The following BCL10 variants were observed in gnomAD, a reference collection of about 807,000 sequenced individuals.
BCL10 encodes the protein BCL10 immune signaling adaptor, also known as B-cell lymphoma/leukemia 10.
In BCL10, 5 loss-of-function variants were observed where a neutral mutation model predicts 19.2. The observed-to-expected ratio is 0.26, with a 90% CI of 0.14 to 0.55. The LOEUF is 0.55. Among genes scored for constraint, BCL10 ranks in the 20% least tolerant of loss-of-function variants. BCL10 has a pLI of 0.94. For missense variants in BCL10, 201 were observed against 271.9 expected (o/e 0.74, Z 1.83); for synonymous variants, 110 against 98.8 (o/e 1.11, Z -0.67).
chr1:85,269,708 G>C (rs1412737751), intron 2 of BCL10, among the ~76,000 whole-genome samples: 1 of 152,190 alleles, frequency 6.6e-6, no homozygotes, highest in African/African-American at 2.4e-5. Flanking sequence ...ATGTGCTCTG[G>C]AGAGAGACAG....
intron 2 of BCL10, among the ~76,000 whole-genome samples, chr1:85,269,310 T>C (rs943805423): frequency 5.9e-5 from 9 of 152,248 alleles, no homozygotes; most frequent in Admixed American, 2.6e-4. Flanking sequence ...AAGAATTTTA[T>C]GATATCCAAA....
chr1:85,276,273 C>T (rs1336468093), intron 1 of BCL10, 23 bp downstream of exon 1: 1 of 1,612,206 alleles, frequency 6.2e-7, no homozygotes, highest in Non-Finnish European at 8.5e-7. Flanking sequence ...CCCGCCCGCC[C>T]TGGGCACAGC....
chr1:85,272,403 ATT>A (rs952747276), intron 1 of BCL10, among the ~76,000 whole-genome samples: 12 of 133,444 alleles, frequency 9.0e-5, no homozygotes, highest in Admixed American at 7.6e-5. Context: ...CTAATTTTTA[ATT>A]TTTTTTTTTT....
chr1:85,270,415 G>C (rs190089812), intron 2 of BCL10, among the ~76,000 whole-genome samples: 2 of 152,304 alleles, frequency 1.3e-5, no homozygotes, highest in East Asian at 3.9e-4. Context: ...TGGAAACACA[G>C]GTATGCACCA....
intron 1 of BCL10, among the ~76,000 whole-genome samples, chr1:85,273,202 T>C (rs1333654498): frequency 6.6e-6 from 1 of 152,204 alleles, no homozygotes; most frequent in Non-Finnish European, 1.5e-5. Flanking sequence ...ATTTCCCAAT[T>C]CATTCCCAGA....
At chr1:85,273,647 A>G (rs1243183291) in intron 1 of BCL10, among the ~76,000 whole-genome samples, 1 of 152,148 alleles carries the variant, frequency 6.6e-6, no homozygotes, top group African/African-American at 2.4e-5. Flanking sequence ...CTCAACTCCC[A>G]TGTTCAATCC....
intron 2 of BCL10, among the ~76,000 whole-genome samples, chr1:85,268,915 T>C (rs1043085159): frequency 6.6e-6 from 1 of 152,168 alleles, no homozygotes; most frequent in African/African-American, 2.4e-5. Context: ...CAAATGACAG[T>C]GGTTGTTCCC....
intron 2 of BCL10, among the ~76,000 whole-genome samples, chr1:85,268,731 G>C (rs1399325017): frequency 7.1e-6 from 1 of 140,232 alleles, no homozygotes; most frequent in Non-Finnish European, 1.5e-5. Flanking sequence ...TCATGCCATT[G>C]CACTCCAGCC....
rs952523489 is a variant in BCL10 at position 85,266,092 on chromosome 1, G to A, written c.*1535C>T. 1.3e-5 allele frequency among the ~76,000 whole-genome samples: 2 copies of A among 152,004 alleles called. No homozygotes were observed. The highest frequency in any genetic ancestry group is 4.8e-5 in the African/African-American group (2 of 41,366). ...CTTTAAAAATTTTTAAAGCTAATAT[G>A]CCAATCTTCTTCATGTCGGATAAAT... On this transcript the variant is annotated 3_prime_UTR_variant, in exon 3 of 3. Transcript: ENST00000648566.
intron 1 of BCL10, 141 bp from the exon 2 acceptor site, chr1:85,271,047 T>A: frequency 1.3e-6 from 1 of 794,704 alleles, no homozygotes; most frequent in Non-Finnish European, 2.0e-6. Flanking sequence ...GCATGCTAAT[T>A]AAGATGAAAG....
rs1660354858 is a variant in BCL10 at position 85,270,917 on chromosome 1, T to C, written c.58-11A>G. On this transcript the variant is annotated splice_polypyrimidine_tract_variant and intron_variant, in intron 1 of 2. Transcript: ENST00000648566. The stretch of plus-strand genomic sequence containing the variant: ...TAAATTTTCTAAGGCCTAAAAGACA[T>C]AAAATATGGTTCAATGTTATTTTTA... The C allele has an allele frequency of 1.3e-6, 2 of 1,593,856 alleles. No homozygotes were observed. Among genetic ancestry groups the C allele is most frequent in the South Asian group, 1.1e-5 (1 of 87,418 alleles).
intron 2 of BCL10, among the ~76,000 whole-genome samples, chr1:85,268,360 G>A (rs1000355808): frequency 2.6e-5 from 4 of 152,072 alleles, no homozygotes; most frequent in African/African-American, 4.8e-5. Context: ...AAATGTAAAC[G>A]GCAGATGCTA....
At position 85,276,568 on chromosome 1, in the gene BCL10, T is replaced by TACGCG. The variant is rs955657279; in HGVS notation, c.-221_-217dup. ...TCTGAGGTCGACGGCGACGCGAATC[T>TACGCG]ACGCGACGCGACGCGGAGCTCGGAG... On this transcript the variant is annotated 5_prime_UTR_variant, in exon 1 of 3. Coordinates refer to ENST00000648566, the MANE Select transcript of BCL10 (RefSeq NM_003921.5). 10 of 602,190 alleles carry TACGCG rather than the reference T, an allele frequency of 1.7e-5. No homozygotes were observed. Among genetic ancestry groups the TACGCG allele is most frequent in the South Asian group, 5.9e-5 (3 of 50,738 alleles). The allele number at this position is 602,190 out of a possible 1,614,324, so 37.3% of individuals were successfully genotyped here. A position where few individuals can be genotyped will look rare whatever the true frequency, so the allele number is the denominator to read the frequency against.
At chr1:85,275,162 C>G (rs1235256785) in intron 1 of BCL10, among the ~76,000 whole-genome samples, 1 of 152,222 alleles carries the variant, frequency 6.6e-6, no homozygotes, top group Non-Finnish European at 1.5e-5. Context: ...CTGGCACTCA[C>G]CATGAATAAG....
Position 85,267,007 on chromosome 1 carries a change from A to C in BCL10, c.*620T>G, listed in dbSNP as rs541709777. 5.2e-6 allele frequency: 1 copy of C among 191,016 alleles called. No homozygotes were observed. The highest frequency in any genetic ancestry group is 1.1e-5 in the Non-Finnish European group (1 of 90,988). 11.8% of individuals were successfully genotyped at this position (191,016 alleles called of 1,614,324 possible). On this transcript the variant is annotated 3_prime_UTR_variant, in exon 3 of 3. Coordinates refer to ENST00000648566, the MANE Select transcript of BCL10 (RefSeq NM_003921.5). ...TTAAGCCAAGAATGTGAAAATCCTA[A>C]CAAAGTAGTATAATTAGTAAGGTTA...
intron 2 of BCL10, among the ~76,000 whole-genome samples, chr1:85,269,344 A>G (rs1432657724): frequency 8.5e-5 from 13 of 152,262 alleles, no homozygotes; most frequent in Non-Finnish European, 1.5e-4. Flanking sequence ...CATTATCCAG[A>G]GGATTGAAAG....
At chr1:85,274,017 T>C (rs1660439134) in intron 1 of BCL10, among the ~76,000 whole-genome samples, 2 of 152,210 alleles carry the variant, frequency 1.3e-5, no homozygotes, top group Non-Finnish European at 2.9e-5. Flanking sequence ...TTGCCTATTT[T>C]AGGTCCTTGA....
chr1:85,271,565 G>A (rs1334659068), intron 1 of BCL10, among the ~76,000 whole-genome samples: 1 of 152,132 alleles, frequency 6.6e-6, no homozygotes, highest in East Asian at 1.9e-4. Flanking sequence ...GATTTGAGAA[G>A]TGCCTAAGAG....
intron 1 of BCL10, among the ~76,000 whole-genome samples, chr1:85,272,066 T>A (rs1660381243): frequency 6.6e-6 from 1 of 152,082 alleles, no homozygotes; most frequent in Non-Finnish European, 1.5e-5. Flanking sequence ...AGATTATAGG[T>A]CAAATACAGG....
Sources: allele counts gnomAD v4.1 joint callset (sites outside exome capture counted in the v4.1 genomes callset), GRCh38; gene constraint gnomAD v4.1.1; transcripts MANE v1.5; gene names NCBI Gene and HGNC (gene_info 2026-07-23, HGNC 2026-07-21).